ADCK1: variants seen among roughly 807,000 people sequenced by gnomAD.
ADCK1 encodes aarF domain containing kinase 1.
ADCK1 carries 41 observed loss-of-function variants against 52.3 expected under a neutral mutation model. The ratio of observed to expected loss-of-function variants is 0.78; its 90% CI spans 0.61 to 1.02. ADCK1 has a LOEUF of 1.02. Ranked by LOEUF, ADCK1 falls within the 50% of genes least tolerant of loss-of-function variation. The probability of loss-of-function intolerance (pLI) is 0.00; values close to 1 mark genes in which losing one functional copy is unlikely to be tolerated. For missense variants in ADCK1, 658 were observed against 679.5 expected, an observed-to-expected ratio of 0.97 and a Z score of 0.35; for synonymous variants, 250 against 274.6, an observed-to-expected ratio of 0.91 and a Z score of 0.89.
At position 77,899,598 on chromosome 14, in the gene ADCK1, G is replaced by A. The variant is rs540701178; in HGVS notation, c.741+340G>A. Among the ~76,000 whole-genome samples the A allele has an allele frequency of 8.0e-4, 122 of 152,354 alleles. 1 individual carries two copies. The highest frequency in any genetic ancestry group is 3.4e-3 in the Middle Eastern group (1 of 294). On this transcript the variant is annotated intron_variant, in intron 6 of 10. Coordinates refer to ENST00000238561, the MANE Select transcript of ADCK1 (RefSeq NM_020421.4). ...GGTGATGATGATGGCGATGCTGATA[G>A]CTAACACTACTGTACGCTGGGACTG...
intron 4 of ADCK1, among the ~76,000 whole-genome samples, chr14:77,864,040 GTTT>G (rs2082610493): frequency 6.6e-6 from 1 of 152,018 alleles, no homozygotes; most frequent in South Asian, 2.1e-4. Flanking sequence ...TCTGAAATTT[GTTT>G]TTATCAGTTT....
intron 1 of ADCK1, among the ~76,000 whole-genome samples, chr14:77,818,665 C>A (rs962255360): frequency 2.6e-5 from 4 of 152,138 alleles, no homozygotes; most frequent in Admixed American, 1.3e-4. Context: ...TGGGCAAGAA[C>A]TTTGTTTTGT....
chr14:77,861,435 A>G (rs909313461), intron 4 of ADCK1, among the ~76,000 whole-genome samples: 1 of 150,456 alleles, frequency 6.6e-6, no homozygotes, highest in African/African-American at 2.5e-5. Flanking sequence ...GGGTAATGTC[A>G]CTCACTTGGC....
chr14:77,804,547 G>A (rs2081178462), intron 1 of ADCK1, among the ~76,000 whole-genome samples: 1 of 152,054 alleles, frequency 6.6e-6, no homozygotes, highest in South Asian at 2.1e-4. Context: ...ATTGCATACA[G>A]GGGACAGGTG....
rs758900355 is a variant in ADCK1, at chr14:77,819,095, G to A, written c.117G>A (p.Val39=). 1 of 1,608,372 alleles carries A rather than the reference G, an allele frequency of 6.2e-7. No individual in the cohort carries two copies. ...LDPNDFGAVR[V]GRAVATTAVI... is the part of the protein sequence containing the mutation. ...CTAATGACTTTGGCGCTGTCAGGGTGGGCAGAGCAGTTGCTACGGTAGGTT... is the reference window on the plus strand; with the variant it reads ...CTAATGACTTTGGCGCTGTCAGGGTAGGCAGAGCAGTTGCTACGGTAGGTT... Residue 39 remains valine (V), a synonymous_variant, in exon 2 of 11, where the codon GTG becomes GTA. Transcript: ENST00000238561.
At chr14:77,832,068 TC>T (rs2081864900) in intron 3 of ADCK1, among the ~76,000 whole-genome samples, 1 of 151,802 alleles carries the variant, frequency 6.6e-6, no homozygotes, top group Non-Finnish European at 1.5e-5. Flanking sequence ...GCCTCTACCT[TC>T]CGGGTTCAAG....
At chr14:77,898,627 C>T (rs2083462141) in intron 5 of ADCK1, among the ~76,000 whole-genome samples, 1 of 151,844 alleles carries the variant, frequency 6.6e-6, no homozygotes, top group Non-Finnish European at 1.5e-5. Flanking sequence ...AACAACACAC[C>T]TGGGGCCTGT....
chr14:77,828,454 A>G (rs997143407), intron 3 of ADCK1, among the ~76,000 whole-genome samples: 2 of 152,004 alleles, frequency 1.3e-5, no homozygotes, highest in African/African-American at 2.4e-5. Flanking sequence ...ATGATATTCT[A>G]TTTTCCTCAT....
intron 4 of ADCK1, among the ~76,000 whole-genome samples, chr14:77,871,538 A>G (rs1038836197): frequency 1.3e-5 from 2 of 152,088 alleles, no homozygotes; most frequent in Non-Finnish European, 2.9e-5. Context: ...TTGTATTTTT[A>G]GTAGAGACAG....
chr14:77,841,388 C>T (rs577877473), intron 3 of ADCK1, among the ~76,000 whole-genome samples: 8 of 152,016 alleles, frequency 5.3e-5, no homozygotes, highest in Non-Finnish European at 7.4e-5. Flanking sequence ...GGGCCTCCTA[C>T]GTGGCAGTGA....
intron 4 of ADCK1, among the ~76,000 whole-genome samples, chr14:77,866,322 ATGT>A (rs563447409): frequency 6.6e-6 from 1 of 152,174 alleles, no homozygotes; most frequent in South Asian, 2.1e-4. Context: ...GTTGACCGAA[ATGT>A]TGTTATGCGG....
chr14:77,843,868 C>T (rs1435010289), intron 3 of ADCK1, among the ~76,000 whole-genome samples: 1 of 152,174 alleles, frequency 6.6e-6, no homozygotes, highest in Non-Finnish European at 1.5e-5. Flanking sequence ...ATTCATTAAG[C>T]TTTCTTAGCC....
rs550929980 is a variant in ADCK1, at chr14:77,858,071, G to A, written c.220-1005G>A. Among the ~76,000 whole-genome samples the A allele has an allele frequency of 2.0e-5, 3 of 152,264 alleles. No homozygotes were observed. The East Asian group carries it at 5.8e-4, about 29-fold the overall frequency. ...CGGTGAGCATCCGGATGTTAATTAA[G>A]GCTACTCTGTCCTAGGCAACCTGCC... On this transcript the variant is annotated intron_variant, in intron 3 of 10. Coordinates refer to ENST00000238561, the MANE Select transcript of ADCK1 (RefSeq NM_020421.4).
chr14:77,837,370 TCAAG>T (rs2081983440), intron 3 of ADCK1, among the ~76,000 whole-genome samples: 1 of 152,184 alleles, frequency 6.6e-6, no homozygotes, highest in Non-Finnish European at 1.5e-5. Flanking sequence ...ACTCCTGGGC[TCAAG>T]TGATCTGCCT....
chr14:77,898,953 A>T, intron 5 of ADCK1, 147 bp from the exon 6 acceptor site: 2 of 1,060,022 alleles, frequency 1.9e-6, no homozygotes, highest in Non-Finnish European at 2.7e-6. Context: ...GCAGGAGCCT[A>T]CTATGTTTCC....
At chr14:77,865,489 AAAAC>A (rs1430009045) in intron 4 of ADCK1, among the ~76,000 whole-genome samples, 3 of 152,168 alleles carry the variant, frequency 2.0e-5, no homozygotes, top group East Asian at 3.9e-4. Context: ...TATCAAAACA[AAAAC>A]AAAAACAAAA....
At chr14:77,879,322 A>C (rs77220600) in intron 4 of ADCK1, among the ~76,000 whole-genome samples, 9,404 of 152,312 alleles carry the variant, frequency 0.062, 348 homozygotes, top group Middle Eastern at 0.12. Context: ...GCAAATATGA[A>C]GAGGTAAATG....
Position 77,917,438 on chromosome 14 carries a change from CA to C in ADCK1, c.859-7018del, listed in dbSNP as rs1174869470. 8.3e-4 allele frequency among the ~76,000 whole-genome samples: 126 copies of C among 152,226 alleles called. 1 individual carries two copies. Among genetic ancestry groups the C allele is most frequent in the Non-Finnish European group, 4.0e-4 (27 of 68,000 alleles). On this transcript the variant is annotated intron_variant, in intron 7 of 10. Coordinates refer to ENST00000238561, the MANE Select transcript of ADCK1 (RefSeq NM_020421.4). ...TTTCTTTTAAGACACCCCCCAGGAA[CA>C]TGAATAGATTTTCTCTTGAGGGTGG...
chr14:77,871,431 C>A (rs1319929609), intron 4 of ADCK1, among the ~76,000 whole-genome samples: 3 of 152,164 alleles, frequency 2.0e-5, no homozygotes, highest in Admixed American at 2.0e-4. Context: ...GATCTCTGCT[C>A]ATGGCAACCT....
Sources: gnomAD v4.1 joint callset for allele counts (sites outside exome capture counted in the v4.1 genomes callset) on GRCh38, gnomAD v4.1.1 for gene constraint, MANE v1.5 for transcripts, NCBI Gene and HGNC (gene_info 2026-07-23, HGNC 2026-07-21) for gene names.